The following GPC5 variants were observed in gnomAD, a reference collection of about 807,000 sequenced individuals.
GPC5 encodes the protein glypican 5.
Under a neutral mutation model 53.9 loss-of-function variants are expected in GPC5, and 47 were observed. That is an observed-to-expected ratio of 0.87 (90% confidence interval 0.69 to 1.11). The LOEUF is 1.11. GPC5 is among the 50% of genes most tolerant of loss of function. GPC5 has a pLI of 0.00. For synonymous variants in GPC5, 286 were observed against 263.3 expected (o/e 1.09, Z -0.84); for missense variants, 748 against 713.1 (o/e 1.05, Z -0.56).
At chr13:91,794,053 T>C (rs1292647116) in intron 5 of GPC5, among the ~76,000 whole-genome samples, 1 of 152,218 alleles carries the variant, frequency 6.6e-6, no homozygotes, top group African/African-American at 2.4e-5. Flanking sequence ...ATCTATTGTA[T>C]TCCAGTGTCG....
chr13:92,756,738 C>CAAAG (rs1490657265), intron 7 of GPC5, among the ~76,000 whole-genome samples: 3 of 145,748 alleles, frequency 2.1e-5, no homozygotes, highest in Admixed American at 1.4e-4. Context: ...ACAATTGCTT[C>CAAAG]AAAGAGAATA....
rs1045533466 is a variant in GPC5 at position 91,976,397 on chromosome 13, A to T, written c.1401+68340A>T. Among the ~76,000 whole-genome samples the T allele has an allele frequency of 3.9e-5, 6 of 152,218 alleles. 1 individual carries two copies. The highest frequency in any genetic ancestry group is 8.8e-5 in the Non-Finnish European group (6 of 68,038). ...TCACTGCATAGAAAGCCAATTACTG[A>T]GACAATGAGTATTGCCAGGGAAGAA... On this transcript the variant is annotated intron_variant, in intron 6 of 7. Coordinates refer to ENST00000377067, the MANE Select transcript of GPC5 (RefSeq NM_004466.6).
chr13:91,711,087 G>A (rs1254185486), intron 3 of GPC5, among the ~76,000 whole-genome samples: 1 of 152,126 alleles, frequency 6.6e-6, no homozygotes, highest in African/African-American at 2.4e-5. Flanking sequence ...ATTTGACCCA[G>A]CATTCCCATT....
At chr13:92,391,150 A>G (rs1421408996) in intron 7 of GPC5, among the ~76,000 whole-genome samples, 2 of 152,142 alleles carry the variant, frequency 1.3e-5, no homozygotes, top group Non-Finnish European at 2.9e-5. Context: ...CTCCTCATTA[A>G]TATAATTATT....
Position 91,912,671 on chromosome 13 carries a change from A to G in GPC5, c.1401+4614A>G, listed in dbSNP as rs149057652. On this transcript the variant is annotated intron_variant, in intron 6 of 7. Transcript: ENST00000377067. The stretch of plus-strand genomic sequence containing the variant: ...GTTGTTGGTGCTGGCATATTATCCT[A>G]TCATATGGAAAGATTACAGTTTTAC... 3.2e-4 allele frequency among the ~76,000 whole-genome samples: 48 copies of G among 152,254 alleles called. No homozygotes were observed. The East Asian group carries it at 8.3e-3, about 26-fold the overall frequency.
intron 2 of GPC5, among the ~76,000 whole-genome samples, chr13:91,692,416 A>G (rs1166223016): frequency 1.3e-5 from 2 of 152,170 alleles, no homozygotes; most frequent in Non-Finnish European, 2.9e-5. Context: ...CCTTTGTAGC[A>G]ACCAGTGTGT....
intron 5 of GPC5, among the ~76,000 whole-genome samples, chr13:91,781,306 T>C (rs550820202): frequency 6.6e-6 from 1 of 152,358 alleles, no homozygotes; most frequent in South Asian, 2.1e-4. Context: ...CTTAAAAAGT[T>C]AACTCAACAA....
At chr13:91,930,402 A>G (rs932775508) in intron 6 of GPC5, among the ~76,000 whole-genome samples, 1 of 152,068 alleles carries the variant, frequency 6.6e-6, no homozygotes, top group African/African-American at 2.4e-5. Context: ...TTGATATTTC[A>G]GCTATATTTT....
chr13:92,068,881 TATAAGCATAATATA>T (rs2041188015), intron 6 of GPC5, among the ~76,000 whole-genome samples: 1 of 151,826 alleles, frequency 6.6e-6, no homozygotes, highest in African/African-American at 2.4e-5. Context: ...AATATAATAT[TATAAGCATAATATA>T]ATATAATATT....
chr13:92,177,484 T>C (rs1329993512), intron 7 of GPC5, among the ~76,000 whole-genome samples: 2 of 152,192 alleles, frequency 1.3e-5, no homozygotes, highest in Non-Finnish European at 2.9e-5. Flanking sequence ...ATTTTTATAA[T>C]TATACAAATT....
At chr13:91,858,827 C>T (rs1365302231) in intron 5 of GPC5, among the ~76,000 whole-genome samples, 1 of 151,844 alleles carries the variant, frequency 6.6e-6, no homozygotes, top group Non-Finnish European at 1.5e-5. Flanking sequence ...ATGTTTCCAT[C>T]TCATTACTTC....
At chr13:92,684,639 T>C (rs535154965) in intron 7 of GPC5, among the ~76,000 whole-genome samples, 1 of 152,314 alleles carries the variant, frequency 6.6e-6, no homozygotes, top group African/African-American at 2.4e-5. Context: ...TTTGTCTATT[T>C]GCCTATTGAA....
At chr13:92,426,914 A>C (rs995797181) in intron 7 of GPC5, among the ~76,000 whole-genome samples, 2 of 151,990 alleles carry the variant, frequency 1.3e-5, no homozygotes, top group African/African-American at 4.8e-5. Flanking sequence ...AGAAAAAGAG[A>C]GAACTAGTTA....
chr13:92,444,345 TTATC>T (rs940306928), intron 7 of GPC5, among the ~76,000 whole-genome samples: 9 of 152,056 alleles, frequency 5.9e-5, no homozygotes, highest in Admixed American at 4.6e-4. Flanking sequence ...GAAAAGTTAT[TTATC>T]TAATAAATAT....
chr13:92,485,832 G>T (rs1879532691), intron 7 of GPC5, among the ~76,000 whole-genome samples: 1 of 152,160 alleles, frequency 6.6e-6, no homozygotes, highest in Admixed American at 6.5e-5. Context: ...CAGACTTGGT[G>T]GTGGACACCT....
intron 7 of GPC5, among the ~76,000 whole-genome samples, chr13:92,707,429 C>T (rs1417850984): frequency 6.6e-6 from 1 of 152,006 alleles, no homozygotes; most frequent in East Asian, 1.9e-4. Flanking sequence ...GAATCTATTT[C>T]CTCTGCTTGT....
chr13:91,398,674 CGGCA>C lies in GPC5; in HGVS notation c.-371_-368del. The C allele has an allele frequency of 4.5e-5, 1 of 22,130 alleles. No homozygotes were observed. Among genetic ancestry groups the C allele is most frequent in the South Asian group, 1.5e-3 (1 of 662 alleles). 1.4% of individuals were successfully genotyped at this position (22,130 alleles called of 1,614,324 possible). ...CGGGCGGCGGAGGCGGCGGCGGCGG[CGGCA>C]GTGGCGGCAGTGGCGGCAGTGGCGG... On this transcript the variant is annotated 5_prime_UTR_variant, in exon 1 of 8. Coordinates refer to ENST00000377067, the MANE Select transcript of GPC5 (RefSeq NM_004466.6).
intron 5 of GPC5, among the ~76,000 whole-genome samples, chr13:91,759,752 A>G (rs2037370680): frequency 6.6e-6 from 1 of 152,030 alleles, no homozygotes; most frequent in Non-Finnish European, 1.5e-5. Context: ...GTAAGTATCC[A>G]TCAATTCTCG....
intron 5 of GPC5, among the ~76,000 whole-genome samples, chr13:91,806,294 C>G (rs2038220135): frequency 6.6e-6 from 1 of 151,834 alleles, no homozygotes; most frequent in South Asian, 2.1e-4. Flanking sequence ...CTTGGCCTCC[C>G]AAAGTGGTAG....
Sources: allele counts gnomAD v4.1 joint callset (sites outside exome capture counted in the v4.1 genomes callset), GRCh38; gene constraint gnomAD v4.1.1; transcripts MANE v1.5; gene names NCBI Gene and HGNC (gene_info 2026-07-23, HGNC 2026-07-21).